Variants in THSD7A observed in about 807,000 individuals in gnomAD.
THSD7A encodes thrombospondin type 1 domain containing 7A.
Under a neutral mutation model 231.3 loss-of-function variants are expected in THSD7A, and 96 were observed. That is an observed-to-expected ratio of 0.41 (90% confidence interval 0.35 to 0.49). THSD7A has a LOEUF of 0.49. Ranked by LOEUF, THSD7A falls within the 20% of genes least tolerant of loss-of-function variation. The pLI, the probability that THSD7A is intolerant of heterozygous loss-of-function variation, is 0.05. For missense variants in THSD7A, 2,290 were observed against 2,070.2 expected, an observed-to-expected ratio of 1.11 and a Z score of -2.06; for synonymous variants, 940 against 743.3, an observed-to-expected ratio of 1.26 and a Z score of -4.30.
chr7:11,621,675 T>C (rs1400032739), intron 2 of THSD7A, among the ~76,000 whole-genome samples: 1 of 152,126 alleles, frequency 6.6e-6, no homozygotes, highest in African/African-American at 2.4e-5. Context: ...TCTTCCTATC[T>C]ACTGTAATTT....
At chr7:11,451,364 T>C (rs1288727041) in intron 11 of THSD7A, among the ~76,000 whole-genome samples, 2 of 152,028 alleles carry the variant, frequency 1.3e-5, no homozygotes. Flanking sequence ...ATTGTTATGT[T>C]AAAAATGCTC....
At chr7:11,823,415 A>G (rs1248769066) in intron 1 of THSD7A, among the ~76,000 whole-genome samples, 1 of 152,080 alleles carries the variant, frequency 6.6e-6, no homozygotes, top group East Asian at 1.9e-4. Flanking sequence ...CTTTTTGCTT[A>G]GGATTGCTCT....
chr7:11,706,576 A>G (rs535130339), intron 1 of THSD7A, among the ~76,000 whole-genome samples: 1 of 139,978 alleles, frequency 7.1e-6, no homozygotes, highest in South Asian at 2.2e-4. Flanking sequence ...ATTACTCTTT[A>G]TATAATTTGC....
intron 6 of THSD7A, among the ~76,000 whole-genome samples, chr7:11,506,343 GAA>G (rs1485600795): frequency 1.3e-5 from 2 of 152,146 alleles, no homozygotes; most frequent in African/African-American, 2.4e-5. Flanking sequence ...TCACCAAAGA[GAA>G]TGCATTTCAC....
chr7:11,611,323 G>A (rs188841075), intron 2 of THSD7A, among the ~76,000 whole-genome samples: 2 of 151,882 alleles, frequency 1.3e-5, no homozygotes, highest in East Asian at 1.9e-4. Flanking sequence ...TTTTGGGAAG[G>A]GAAGATCTAT....
intron 2 of THSD7A, among the ~76,000 whole-genome samples, chr7:11,618,618 T>TGAA (rs1312930807): frequency 6.6e-6 from 1 of 151,820 alleles, no homozygotes; most frequent in Non-Finnish European, 1.5e-5. Context: ...CTAACACAGG[T>TGAA]GAAACCCCGT....
chr7:11,496,120 G>A (rs2128308624), intron 6 of THSD7A, among the ~76,000 whole-genome samples: 1 of 152,206 alleles, frequency 6.6e-6, no homozygotes, highest in African/African-American at 2.4e-5. Flanking sequence ...ATTATAACAT[G>A]GAACTAATAA....
chr7:11,656,327 AT>A (rs1782703390), intron 1 of THSD7A, among the ~76,000 whole-genome samples: 1 of 151,834 alleles, frequency 6.6e-6, no homozygotes, highest in African/African-American at 2.4e-5. Context: ...AAATTAAATT[AT>A]TTTTACAGGA....
intron 1 of THSD7A, among the ~76,000 whole-genome samples, chr7:11,761,385 C>G (rs960132301): frequency 4.6e-5 from 7 of 152,038 alleles, no homozygotes; most frequent in South Asian, 2.1e-4. Flanking sequence ...CAAATAGAAT[C>G]ACTTATACAG....
chr7:11,453,101 C>T (rs1785196266), intron 11 of THSD7A, among the ~76,000 whole-genome samples: 1 of 151,792 alleles, frequency 6.6e-6, no homozygotes, highest in Non-Finnish European at 1.5e-5. Context: ...TATTATGAGC[C>T]TAACCTCAAT....
intron 6 of THSD7A, among the ~76,000 whole-genome samples, chr7:11,513,090 T>C (rs983097363): frequency 7.3e-5 from 11 of 151,418 alleles, no homozygotes; most frequent in Admixed American, 1.3e-4. Context: ...TTCTCACTAA[T>C]AGGTGGGAGC....
rs1783759744 is a variant in THSD7A, at chr7:11,785,429, T to C, written c.190+46328A>G. Among the ~76,000 whole-genome samples the C allele has an allele frequency of 2.0e-5, 3 of 152,148 alleles. No homozygotes were observed. In the South Asian group the frequency reaches 6.2e-4, roughly 31 times the overall value. Reference sequence around the variant, plus strand: ...GATCCTTCAAATTTCCTTTCCATTTTTGTGAACTCAATCCTACTTTTCATG... The same window carrying C: ...GATCCTTCAAATTTCCTTTCCATTTCTGTGAACTCAATCCTACTTTTCATG... On this transcript the variant is annotated intron_variant, in intron 1 of 27. Transcript: ENST00000423059.
intron 22 of THSD7A, among the ~76,000 whole-genome samples, chr7:11,402,690 A>T (rs76335725): frequency 6.6e-6 from 1 of 152,180 alleles, no homozygotes; most frequent in African/African-American, 2.4e-5. Context: ...CAGGATCTCA[A>T]AACCCTCCCT....
rs375031089 is a variant in THSD7A, at chr7:11,412,652, G to T, written c.3682+4C>A. On this transcript the variant is annotated splice_donor_region_variant and intron_variant, in intron 18 of 27. Transcript: ENST00000423059. Reference sequence around the variant, plus strand: ...ACTCCGTGATCAGATGATGATCCATGTACCTGTTACATTATAATCATAGTG... The same window carrying T: ...ACTCCGTGATCAGATGATGATCCATTTACCTGTTACATTATAATCATAGTG... 6.4e-5 allele frequency: 103 copies of T among 1,613,504 alleles called. No homozygotes were observed. The highest frequency in any genetic ancestry group is 8.1e-5 in the Non-Finnish European group (96 of 1,179,700).
chr7:11,581,530 T>G (rs62), intron 4 of THSD7A, among the ~76,000 whole-genome samples: 11 of 150,658 alleles, frequency 7.3e-5, no homozygotes, highest in Non-Finnish European at 1.5e-4. Context: ...AAAAGAGAGA[T>G]AGGTTTGAAA....
intron 1 of THSD7A, among the ~76,000 whole-genome samples, chr7:11,746,509 C>A (rs540455391): frequency 6.6e-6 from 1 of 151,850 alleles, no homozygotes; most frequent in African/African-American, 2.4e-5. Context: ...TTCATGACCT[C>A]GACATGTTTT....
At position 11,379,660 on chromosome 7, in the gene THSD7A, C is replaced by T. The variant is rs17164530; in HGVS notation, c.4560G>A (p.Pro1520=). Residue 1520 remains proline, a synonymous_variant, in exon 25 of 28, where the codon CCG becomes CCA. Transcript: ENST00000423059. ...QPDADRSCNP[P]CSQPHSYCSE... ...TACAGTACGAGTGGGGTTGACTACA[C>T]GGTGGGTTACAAGACCTGTCGGCAT... The T allele has an allele frequency of 1.7e-3, 2,732 of 1,592,152 alleles. 30 individuals carry two copies. The African/African-American group carries it at 0.026, about 15-fold the overall frequency.
intron 1 of THSD7A, among the ~76,000 whole-genome samples, chr7:11,680,311 A>G (rs1394596235): frequency 1.3e-5 from 2 of 152,216 alleles, no homozygotes; most frequent in East Asian, 3.8e-4. Flanking sequence ...CATGACTAAA[A>G]CACCAAAAGC....
At chr7:11,591,728 A>G (rs1413591894) in intron 3 of THSD7A, among the ~76,000 whole-genome samples, 1 of 152,188 alleles carries the variant, frequency 6.6e-6, no homozygotes, top group East Asian at 1.9e-4. Context: ...TTATAAAGGA[A>G]GTGCAGCACT....
Sources: allele counts gnomAD v4.1 joint callset (sites outside exome capture counted in the v4.1 genomes callset), GRCh38; gene constraint gnomAD v4.1.1; transcripts MANE v1.5; gene names NCBI Gene and HGNC (gene_info 2026-07-23, HGNC 2026-07-21).